Variants in GARIN5B observed in about 807,000 individuals in gnomAD.
GARIN5B encodes golgi associated RAB2 interactor family member 5B, also known as Golgi-associated RAB2 interactor protein 5B.
the GARIN5B span, chr19:55,359,681 G>T: frequency 6.4e-7 from 1 of 1,551,558 alleles, no homozygotes; most frequent in Non-Finnish European, 8.7e-7. Context: ...GCAGGGTGGT[G>T]GCCCCGGCCC....
the GARIN5B span, chr19:55,359,616 G>C: frequency 5.2e-6 from 8 of 1,550,822 alleles, no homozygotes; most frequent in African/African-American, 1.1e-4. Flanking sequence ...TTCTGGGACT[G>C]GTCAACAAGG....
At chr19:55,362,983 C>A in the GARIN5B span, 1 of 1,485,774 alleles carries the variant, frequency 6.7e-7, no homozygotes, top group South Asian at 1.4e-5. Flanking sequence ...TCTGGAGGGT[C>A]TTTTGCAGCT....
chr19:55,362,859 CG>C, the GARIN5B span: 5 of 1,468,640 alleles, frequency 3.4e-6, 1 homozygote, highest in Non-Finnish European at 4.5e-6. Context: ...TCCCCCAGCA[CG>C]GGGGGCCTTG....
the GARIN5B span, chr19:55,359,895 C>A: frequency 6.4e-7 from 1 of 1,551,478 alleles, no homozygotes; most frequent in Admixed American, 2.0e-5. Flanking sequence ...AAGAAGCCAT[C>A]AGGGCTGTCA....
chr19:55,358,270 CA>C, the GARIN5B span: 1 of 1,550,990 alleles, frequency 6.4e-7, no homozygotes, highest in African/African-American at 1.4e-5. Context: ...CCACAGTGGC[CA>C]GGGGGTGCTG....
At chr19:55,358,535 TGCTCCTTCATCTCGCCCCATGGCC>T in the GARIN5B span, 31 of 349,734 alleles carry the variant, frequency 8.9e-5, no homozygotes, top group Admixed American at 1.0e-3. Context: ...GCCCCATGGC[TGCTCCTTCATCTCGCCCCATGGCC>T]GCTTGCCCTC....
At chr19:55,358,499 G>A in the GARIN5B span, 1 of 1,536,096 alleles carries the variant, frequency 6.5e-7, no homozygotes, top group Non-Finnish European at 8.8e-7. Flanking sequence ...TGGCCCCTTG[G>A]GGTCCCAGGG....
the GARIN5B span, chr19:55,358,856 C>G: frequency 6.5e-7 from 1 of 1,547,454 alleles, no homozygotes; most frequent in Non-Finnish European, 8.7e-7. Flanking sequence ...CTTGACCCAT[C>G]TCTTCCGCTG....
the GARIN5B span, chr19:55,358,482 C>A: frequency 6.5e-7 from 1 of 1,537,984 alleles, no homozygotes; most frequent in Non-Finnish European, 8.8e-7. Flanking sequence ...CGAAAGGGCA[C>A]CTTGGGTGGC....
At chr19:55,357,591 G>A in the GARIN5B span, among the ~76,000 whole-genome samples, 1 of 152,202 alleles carries the variant, frequency 6.6e-6, no homozygotes, top group Non-Finnish European at 1.5e-5. Flanking sequence ...TAGAGCACCT[G>A]GGCTGTGGTG....
chr19:55,360,104 C>T, the GARIN5B span: 1 of 658,004 alleles, frequency 1.5e-6, no homozygotes, highest in Non-Finnish European at 2.6e-6. Context: ...CCTCCTCCCT[C>T]AGACTCAGGA....
the GARIN5B span, chr19:55,363,139 C>CCA: frequency 2.2e-6 from 3 of 1,383,794 alleles, no homozygotes; most frequent in East Asian, 8.8e-5. The surrounding 1 kb of genome is among the most constrained non-coding windows in gnomAD (Gnocchi z 4.0). Context: ...CCCCGGCCCA[C>CCA]CAGCCTTGAC....
chr19:55,361,022 T>C, the GARIN5B span: 1 of 1,550,970 alleles, frequency 6.4e-7, no homozygotes, highest in East Asian at 2.4e-5. Flanking sequence ...GGTTTCTTCC[T>C]GACGTCAGCA....
At chr19:55,355,286 G>C in the GARIN5B span, 1 of 1,547,044 alleles carries the variant, frequency 6.5e-7, no homozygotes. Flanking sequence ...CCTCTGGACA[G>C]TTTCCAACTG....
chr19:55,363,128 G>A, the GARIN5B span: 1 of 1,411,442 alleles, frequency 7.1e-7, no homozygotes, highest in Non-Finnish European at 9.3e-7. This position sits in a 1 kb window ranked among gnomAD's most constrained non-coding sequence, Gnocchi z 4.0. Context: ...AGGCCTCCCA[G>A]CCCCGGCCCA....
chr19:55,357,711 C>T, the GARIN5B span, among the ~76,000 whole-genome samples: 1 of 152,202 alleles, frequency 6.6e-6, no homozygotes, highest in Non-Finnish European at 1.5e-5. Context: ...CACTGTATCC[C>T]CACTGCCTAG....
At chr19:55,355,395 G>C in the GARIN5B span, 1 of 1,540,616 alleles carries the variant, frequency 6.5e-7, no homozygotes, top group Non-Finnish European at 8.8e-7. Flanking sequence ...AGGGTAGGGA[G>C]AGAGGGGTAC....
At chr19:55,358,863 G>A in the GARIN5B span, 19 of 1,547,652 alleles carry the variant, frequency 1.2e-5, no homozygotes, top group Admixed American at 9.9e-5. Context: ...CATCTCTTCC[G>A]CTGCTCCAAC....
chr19:55,356,456 C>T, the GARIN5B span, among the ~76,000 whole-genome samples: 5 of 152,016 alleles, frequency 3.3e-5, no homozygotes, highest in South Asian at 4.1e-4. Context: ...CACTGCAACC[C>T]GTCGCCATGC....
Sources: allele counts gnomAD v4.1 joint callset (sites outside exome capture counted in the v4.1 genomes callset), GRCh38; gene constraint gnomAD v4.1.1; non-coding constraint Gnocchi (gnomAD v3.1); transcripts MANE v1.5; gene names NCBI Gene and HGNC (gene_info 2026-07-23, HGNC 2026-07-21).